Variants in CEP164 observed in about 807,000 individuals in gnomAD.
The protein encoded by CEP164 is centrosomal protein 164, also known as centrosomal protein of 164 kDa.
A neutral mutation model predicts 182.7 loss-of-function variants in CEP164; 162 were observed. The observed-to-expected ratio is 0.89, with a 90% CI of 0.78 to 1.01. The LOEUF is 1.01. CEP164 is among the 50% of genes least tolerant of loss of function. CEP164 has a pLI of 0.00. For synonymous variants in CEP164, 661 were observed against 690.0 expected, an observed-to-expected ratio of 0.96 and a Z score of 0.66; for missense variants, 1,735 against 1,790.4, an observed-to-expected ratio of 0.97 and a Z score of 0.56.
At chr11:117,351,728 C>CTTTTTTT in intron 4 of CEP164, 62 bp from the exon 5 acceptor site, 4 of 1,332,814 alleles carry the variant, frequency 3.0e-6, no homozygotes, top group African/African-American at 1.5e-5. Flanking sequence ...TTTTTCCCCT[C>CTTTTTTT]TTTTTTTTTT....
chr11:117,375,904 T>C, intron 11 of CEP164, 113 bp downstream of exon 11: 1 of 847,824 alleles, frequency 1.2e-6, no homozygotes, highest in Non-Finnish European at 2.0e-6. Flanking sequence ...GTAAGTCCTC[T>C]CCCTTCTAAT....
intron 27 of CEP164, among the ~76,000 whole-genome samples, chr11:117,404,613 G>A (rs1011731921): frequency 1.3e-5 from 2 of 152,252 alleles, no homozygotes; most frequent in Non-Finnish European, 2.9e-5. Context: ...GTGTCTCCCA[G>A]TCAGGAGGCA....
rs2043498051 is a variant in CEP164 at position 117,382,863 on chromosome 11, C to G, written c.1645C>G (p.Leu549Val). 5.0e-6 allele frequency: 8 copies of G among 1,614,108 alleles called. No individual in the cohort carries two copies. In the South Asian group the frequency reaches 8.8e-5, roughly 18 times the overall value. Residue 549 changes from leucine (L) to valine (V), a missense_variant, in exon 14 of 33, where the codon CTG becomes GTG. Physicochemically the swap from Leu to Val is conservative, Grantham distance 32. Transcript: ENST00000278935. ...GGAGCAGCATTCCCAGGCCGAGGAG[C>G]TGGGCCCTGGGCAGGAAGAGGCAGA... is the stretch of plus-strand genomic sequence containing the variant. ...GKEQHSQAEE[L>V]GPGQEEAEDP... is the part of the protein sequence containing the mutation.
chr11:117,405,407 G>A (rs1315453261), intron 27 of CEP164, among the ~76,000 whole-genome samples: 1 of 152,128 alleles, frequency 6.6e-6, no homozygotes, highest in Non-Finnish European at 1.5e-5. Context: ...CTAGGGGAGG[G>A]AGTTCCCTGA....
chr11:117,346,491 T>C lies in CEP164; in HGVS notation c.194+2214T>C, dbSNP rs1273455289. ...TCAGGCTGGTCTTGAACTCCTGATC[T>C]CATGATCTGCCCGCCTTGTCCTCCC... On this transcript the variant is annotated intron_variant, in intron 4 of 32. Transcript: ENST00000278935. Among the ~76,000 whole-genome samples, 7 of 151,840 alleles carry C rather than the reference T, an allele frequency of 4.6e-5. No homozygotes were observed. The South Asian group carries it at 1.5e-3, about 31-fold the overall frequency.
intron 14 of CEP164, 184 bp from the exon 15 acceptor site, chr11:117,387,019 G>A (rs1261196623): frequency 6.5e-6 from 4 of 611,178 alleles, no homozygotes; most frequent in Admixed American, 2.9e-5. Context: ...GCCACAATGG[G>A]GCTTGTCCTA....
rs191179213 is a variant in CEP164 at position 117,385,520 on chromosome 11, T to A, written c.1725-1683T>A. ...CCCACATGGTCTGATGCCCCATCTT[T>A]CCACAGCATTATCCCTAGGGCTCCA... On this transcript the variant is annotated intron_variant, in intron 14 of 32. Coordinates refer to ENST00000278935, the MANE Select transcript of CEP164 (RefSeq NM_014956.5). 3.3e-5 allele frequency: 5 copies of A among 152,378 alleles called. No individual in the cohort carries two copies. The East Asian group carries it at 9.7e-4, about 29-fold the overall frequency. 9.4% of individuals were successfully genotyped at this position (152,378 alleles called of 1,614,324 possible). A position where few individuals can be genotyped will look rare whatever the true frequency, so the allele number is the denominator to read the frequency against.
chr11:117,400,529 A>T (rs372450234), intron 27 of CEP164, among the ~76,000 whole-genome samples: 660 of 152,302 alleles, frequency 4.3e-3, no homozygotes, highest in Middle Eastern at 0.014. Flanking sequence ...GAAGAAAGTC[A>T]ATGGTAGCTT....
At chr11:117,361,289 G>A (rs1302233930) in intron 5 of CEP164, among the ~76,000 whole-genome samples, 1 of 129,390 alleles carries the variant, frequency 7.7e-6, no homozygotes, top group East Asian at 2.2e-4. Context: ...TCACCTGGCT[G>A]AAGGGCGGTG....
chr11:117,404,548 C>T (rs1448012857), intron 27 of CEP164, among the ~76,000 whole-genome samples: 4 of 152,190 alleles, frequency 2.6e-5, no homozygotes, highest in Non-Finnish European at 4.4e-5. Context: ...GGGGCACCCA[C>T]CAGATGCCAG....
intron 8 of CEP164, among the ~76,000 whole-genome samples, chr11:117,366,840 G>A (rs1473705764): frequency 6.6e-6 from 1 of 151,972 alleles, no homozygotes; most frequent in African/African-American, 2.4e-5. Flanking sequence ...TTGTCTTTGT[G>A]CTCTGGGCAG....
upstream of CEP164, chr11:117,323,929 T>A (rs1399062072): frequency 5.9e-6 from 2 of 341,544 alleles, no homozygotes; most frequent in African/African-American, 2.2e-5. Flanking sequence ...TTGCCCATTT[T>A]AAAAATCCGG....
chr11:117,378,179 A>T (rs1448400735), intron 11 of CEP164, among the ~76,000 whole-genome samples: 1 of 152,136 alleles, frequency 6.6e-6, no homozygotes, highest in Non-Finnish European at 1.5e-5. Flanking sequence ...AACATAATAC[A>T]TTTCATAATG....
In CEP164 at chr11:117,392,258, T is replaced by G; in HGVS notation, c.2316T>G (p.Ala772=). 1 of 1,611,902 alleles carries G rather than the reference T, an allele frequency of 6.2e-7. No homozygotes were observed. Among genetic ancestry groups the G allele is most frequent in the Non-Finnish European group, 8.5e-7 (1 of 1,179,446 alleles). ...CAACGCTGGAGAAGGAGCACAGTGC[T>G]GAGCTGGAGCGGCTCTGCTCCTCAT... ...AVATLEKEHS[A]ELERLCSSLE... is the part of the protein sequence containing the mutation. Residue 772 remains alanine (A), a synonymous_variant, in exon 18 of 33, where the codon GCT becomes GCG. Transcript: ENST00000278935.
In CEP164 at chr11:117,362,410, CAGGGTCTCAAGACCTCTGCTTATACAA is replaced by C; in HGVS notation, c.568_594del (p.Lys190_Leu198del). 6.2e-7 allele frequency: 1 copy of C among 1,612,350 alleles called. No homozygotes were observed. The highest frequency in any genetic ancestry group is 8.5e-7 in the Non-Finnish European group (1 of 1,179,028). On this transcript the variant is annotated inframe_deletion, in exon 7 of 33. Coordinates refer to ENST00000278935, the MANE Select transcript of CEP164 (RefSeq NM_014956.5). ...GTCCTTCTCTATTTTGAAGCCTTCA[CAGGGTCTCAAGACCTCTGCTTATACAA>C]AGGGTCTCTTGGGCTCCATATATGA...
At chr11:117,325,059 C>T (rs990470942), upstream of CEP164, among the ~76,000 whole-genome samples, 5 of 152,090 alleles carry the variant, frequency 3.3e-5, no homozygotes, top group African/African-American at 9.7e-5. Flanking sequence ...GTCCCTTTGG[C>T]CCCTCAGTGA....
intron 5 of CEP164, among the ~76,000 whole-genome samples, chr11:117,359,734 G>A (rs1362311204): frequency 6.6e-6 from 1 of 152,154 alleles, no homozygotes. Context: ...TGCCATCCTT[G>A]CTTCTGATAA....
intron 5 of CEP164, chr11:117,356,354 T>A: frequency 8.6e-7 from 1 of 1,168,836 alleles, no homozygotes; most frequent in Middle Eastern, 4.0e-4. Flanking sequence ...CACAGTCTGT[T>A]GCATGGCAGC....
chr11:117,359,427 A>C, intron 5 of CEP164: 2 of 985,448 alleles, frequency 2.0e-6, no homozygotes, highest in South Asian at 9.4e-5. Context: ...CATGTTCTAC[A>C]ACAGGCCAGA....
Sources: allele counts gnomAD v4.1 joint callset (sites outside exome capture counted in the v4.1 genomes callset), GRCh38; gene constraint gnomAD v4.1.1; transcripts MANE v1.5; gene names NCBI Gene and HGNC (gene_info 2026-07-23, HGNC 2026-07-21).